The following PTPRG variants were observed in gnomAD, a reference collection of about 807,000 sequenced individuals.
PTPRG encodes receptor-type tyrosine-protein phosphatase gamma.
PTPRG carries 102 observed loss-of-function variants against 165.3 expected under a neutral mutation model. The ratio of observed to expected loss-of-function variants is 0.62; its 90% CI spans 0.53 to 0.73. PTPRG has a LOEUF of 0.73. Ranked by LOEUF, PTPRG falls within the 30% of genes least tolerant of loss-of-function variation. The pLI, the probability that PTPRG is intolerant of heterozygous loss-of-function variation, is 0.00. For synonymous variants in PTPRG, 675 were observed against 669.5 expected (o/e 1.01, Z -0.13); for missense variants, 1,866 against 1,861.4 (o/e 1.00, Z -0.05).
intron 1 of PTPRG, among the ~76,000 whole-genome samples, chr3:61,656,525 C>G (rs755900898): frequency 7.2e-5 from 11 of 152,228 alleles, no homozygotes; most frequent in Non-Finnish European, 1.3e-4. Flanking sequence ...GTGCCAATTA[C>G]TTGGTACCAC....
chr3:61,611,433 T>A (rs532829573), intron 1 of PTPRG, among the ~76,000 whole-genome samples: 33 of 152,276 alleles, frequency 2.2e-4, no homozygotes, highest in African/African-American at 6.7e-4. Context: ...GACTGGTAAG[T>A]AAAAAAAACT....
At position 61,643,550 on chromosome 3, in the gene PTPRG, C is replaced by T. The variant is rs61700300; in HGVS notation, c.85+81178C>T. ...ATGCCAGCACTTTGGGAGGCCGAGG[C>T]GGTGAATCACTTGAGGTCAGGAGTT... On this transcript the variant is annotated intron_variant, in intron 1 of 29. Transcript: ENST00000474889. Among the ~76,000 whole-genome samples the T allele has an allele frequency of 4.1e-3, 622 of 152,128 alleles. 2 individuals carry two copies. The highest frequency in any genetic ancestry group is 0.019 in the East Asian group (96 of 5,170).
intron 6 of PTPRG, among the ~76,000 whole-genome samples, chr3:62,153,912 C>T (rs1704437624): frequency 6.6e-6 from 1 of 152,182 alleles, no homozygotes; most frequent in Non-Finnish European, 1.5e-5. Context: ...GGTTAGATGT[C>T]AGTTTTCAGC....
At chr3:61,982,763 G>T (rs957530706) in intron 2 of PTPRG, among the ~76,000 whole-genome samples, 1 of 152,088 alleles carries the variant, frequency 6.6e-6, no homozygotes, top group African/African-American at 2.4e-5. Context: ...TCCAGTTTAG[G>T]CATTGGTACT....
rs1482487183 is a variant in PTPRG at position 62,293,660 on chromosome 3, T to C, written c.*353T>C. ...AGGTCTTTGTTATGACAGTGAATAT[T>C]GCTTTTATTATTATTATTGCTGAAG... is the stretch of plus-strand genomic sequence containing the variant. On this transcript the variant is annotated 3_prime_UTR_variant, in exon 30 of 30. Transcript: ENST00000474889. 2.4e-5 allele frequency: 4 copies of C among 166,722 alleles called. No homozygotes were observed. 10.3% of individuals were successfully genotyped at this position (166,722 alleles called of 1,614,324 possible). A position where few individuals can be genotyped will look rare whatever the true frequency, so the allele number is the denominator to read the frequency against.
intron 2 of PTPRG, among the ~76,000 whole-genome samples, chr3:61,887,155 T>TAACCATAGCATGC (rs2038069138): frequency 1.7e-5 from 1 of 58,390 alleles, no homozygotes. Context: ...TATATATATA[T>TAACCATAGCATGC]ATATATATAT....
At chr3:61,927,387 A>G (rs893393791) in intron 2 of PTPRG, among the ~76,000 whole-genome samples, 5 of 152,106 alleles carry the variant, frequency 3.3e-5, no homozygotes, top group African/African-American at 7.2e-5. Context: ...CTTGAATTTC[A>G]TTAACTGGTG....
At chr3:61,965,953 G>A (rs973916180) in intron 2 of PTPRG, among the ~76,000 whole-genome samples, 5 of 152,290 alleles carry the variant, frequency 3.3e-5, no homozygotes, top group Admixed American at 6.5e-5. Flanking sequence ...GATCTGACCC[G>A]TGCAGTTTTG....
intron 28 of PTPRG, among the ~76,000 whole-genome samples, chr3:62,291,788 A>G (rs992587713): frequency 1.2e-4 from 18 of 152,156 alleles, no homozygotes; most frequent in Non-Finnish European, 2.2e-4. Flanking sequence ...GGAGTTGCCA[A>G]CCTGGCCTGA....
Position 62,090,361 on chromosome 3 carries a change from A to G in PTPRG, c.615+12103A>G, listed in dbSNP as rs139788421. Reference sequence around the variant, plus strand: ...AGTTTTTTTTTAAACTGAACCGATTATAGGGTTTAGTGCCAGATGCTTCAG... The same window carrying G: ...AGTTTTTTTTTAAACTGAACCGATTGTAGGGTTTAGTGCCAGATGCTTCAG... On this transcript the variant is annotated intron_variant, in intron 5 of 29. Coordinates refer to ENST00000474889, the MANE Select transcript of PTPRG (RefSeq NM_002841.4). Among the ~76,000 whole-genome samples the G allele has an allele frequency of 2.2e-4, 34 of 152,214 alleles. No individual in the cohort carries two copies. The East Asian group carries it at 5.8e-3, about 26-fold the overall frequency.
At chr3:61,654,541 T>C (rs1471885887) in intron 1 of PTPRG, among the ~76,000 whole-genome samples, 3 of 151,932 alleles carry the variant, frequency 2.0e-5, no homozygotes, top group African/African-American at 7.2e-5. Context: ...TGTGCCACCA[T>C]GCTCAGCTAG....
At chr3:62,064,815 A>C (rs1700954793) in intron 4 of PTPRG, among the ~76,000 whole-genome samples, 1 of 138,782 alleles carries the variant, frequency 7.2e-6, no homozygotes. Context: ...TCGCCGCAAC[A>C]TCCAGCTCCC....
rs563632840 is a variant in PTPRG at position 62,138,714 on chromosome 3, CAAAAAAAAAAAAA to C, written c.682+6056_682+6068del. Among the ~76,000 whole-genome samples, 5 of 91,386 alleles carry C rather than the reference CAAAAAAAAAAAAA, an allele frequency of 5.5e-5. No individual in the cohort carries two copies. In the East Asian group the frequency reaches 1.1e-3, roughly 19 times the overall value. The allele number at this position is 91,386 out of a possible 152,430, so 60.0% of individuals were successfully genotyped here. A position where few individuals can be genotyped will look rare whatever the true frequency, so the allele number is the denominator to read the frequency against. ...AGCCTCAGTGACAAGGGCAAAGCTCCAAAAAAAAAAAAAAAAAAAAAAGAAAGACGAAATACAT... is the reference window on the plus strand; with the variant it reads ...AGCCTCAGTGACAAGGGCAAAGCTCCAAAAAAAAAGAAAGACGAAATACAT... On this transcript the variant is annotated intron_variant, in intron 6 of 29. Coordinates refer to ENST00000474889, the MANE Select transcript of PTPRG (RefSeq NM_002841.4).
chr3:62,101,095 A>T (rs957776150), intron 5 of PTPRG, among the ~76,000 whole-genome samples: 1 of 152,236 alleles, frequency 6.6e-6, no homozygotes, highest in African/African-American at 2.4e-5. Context: ...CTTCAGCATA[A>T]TTGGAGGAGT....
intron 2 of PTPRG, among the ~76,000 whole-genome samples, chr3:61,757,532 C>CA (rs2033671453): frequency 6.6e-6 from 1 of 151,994 alleles, no homozygotes; most frequent in Non-Finnish European, 1.5e-5. Flanking sequence ...AGTGGCATTT[C>CA]ATTTTTTTAT....
chr3:62,190,596 G>T lies in PTPRG; in HGVS notation c.1034-873G>T, dbSNP rs541900838. On this transcript the variant is annotated intron_variant, in intron 8 of 29. Coordinates refer to ENST00000474889, the MANE Select transcript of PTPRG (RefSeq NM_002841.4). This position sits in a 1 kb window ranked among gnomAD's most constrained non-coding sequence, Gnocchi z 5.2. Reference sequence around the variant, plus strand: ...AGCCTGACTTTTCCTTACACCCCACGTCAGGATAATTACACGGGGTTCTGC... The same window carrying T: ...AGCCTGACTTTTCCTTACACCCCACTTCAGGATAATTACACGGGGTTCTGC... Among the ~76,000 whole-genome samples, 2 of 152,118 alleles carry T rather than the reference G, an allele frequency of 1.3e-5. No individual in the cohort carries two copies. The highest frequency in any genetic ancestry group is 4.8e-5 in the African/African-American group (2 of 41,420).
At chr3:61,872,156 G>C (rs1056524826) in intron 2 of PTPRG, among the ~76,000 whole-genome samples, 3 of 152,152 alleles carry the variant, frequency 2.0e-5, no homozygotes, top group Non-Finnish European at 4.4e-5. Flanking sequence ...TGAAAGTAAC[G>C]TGTACTTTCA....
intron 2 of PTPRG, chr3:61,749,750 A>G (rs566217584): frequency 6.5e-6 from 1 of 153,436 alleles, no homozygotes; most frequent in African/African-American, 2.4e-5. Context: ...TGCTTGAGTA[A>G]GATAGACCAC....
chr3:62,106,282 C>T (rs546610169), intron 5 of PTPRG, among the ~76,000 whole-genome samples: 5 of 152,268 alleles, frequency 3.3e-5, no homozygotes, highest in African/African-American at 1.2e-4. Context: ...TTACTGGACT[C>T]TAACATCACA....
Sources: allele counts gnomAD v4.1 joint callset (sites outside exome capture counted in the v4.1 genomes callset), GRCh38; gene constraint gnomAD v4.1.1; non-coding constraint Gnocchi (gnomAD v3.1); transcripts MANE v1.5; gene names NCBI Gene and HGNC (gene_info 2026-07-23, HGNC 2026-07-21).